RAD51B: variants seen among roughly 807,000 people sequenced by gnomAD.
RAD51B encodes the protein DNA repair protein RAD51 homolog 2.
In RAD51B, 38 loss-of-function variants were observed where a neutral mutation model predicts 42.2. The ratio of observed to expected loss-of-function variants is 0.90; its 90% CI spans 0.70 to 1.18. The LOEUF is 1.18. RAD51B is among the 50% of genes most tolerant of loss of function. The probability of loss-of-function intolerance (pLI) is 0.00; values close to 1 mark genes in which losing one functional copy is unlikely to be tolerated. For synonymous variants in RAD51B, 154 were observed against 145.2 expected, an observed-to-expected ratio of 1.06 and a Z score of -0.43; for missense variants, 373 against 400.7, an observed-to-expected ratio of 0.93 and a Z score of 0.59.
intron 7 of RAD51B, among the ~76,000 whole-genome samples, chr14:68,062,738 GGCAGAGGTT>G: frequency 6.6e-6 from 1 of 151,474 alleles, no homozygotes; most frequent in East Asian, 1.9e-4. Flanking sequence ...GAACCTAGGG[GGCAGAGGTT>G]GCAGTTAGCT....
chr14:68,183,582 C>G (rs1277229083), intron 7 of RAD51B, among the ~76,000 whole-genome samples: 1 of 152,188 alleles, frequency 6.6e-6, no homozygotes. Context: ...TTATAACCGT[C>G]ACACATCTGT....
chr14:68,129,688 C>T (rs1378900977), intron 7 of RAD51B, among the ~76,000 whole-genome samples: 2 of 152,152 alleles, frequency 1.3e-5, no homozygotes, highest in African/African-American at 2.4e-5. Context: ...AAGATCAAAT[C>T]GCAAGGTAAA....
At chr14:68,223,149 T>C (rs867925655) in intron 7 of RAD51B, among the ~76,000 whole-genome samples, 1 of 152,222 alleles carries the variant, frequency 6.6e-6, no homozygotes, top group African/African-American at 2.4e-5. Context: ...CTCAGTTGCC[T>C]AAATCACAAT....
At chr14:68,324,763 C>G (rs2082218608) in intron 8 of RAD51B, among the ~76,000 whole-genome samples, 1 of 152,156 alleles carries the variant, frequency 6.6e-6, no homozygotes, top group African/African-American at 2.4e-5. Context: ...ATCCTTTTCT[C>G]TGGAGGTTTA....
chr14:68,658,901 C>A (rs1892876036), intron 11 of RAD51B, among the ~76,000 whole-genome samples: 1 of 152,214 alleles, frequency 6.6e-6, no homozygotes, highest in Non-Finnish European at 1.5e-5. Flanking sequence ...TTGTCTAAAG[C>A]CACACAGCTC....
At chr14:68,160,974 C>T (rs941737058) in intron 7 of RAD51B, among the ~76,000 whole-genome samples, 8 of 152,160 alleles carry the variant, frequency 5.3e-5, no homozygotes, top group Non-Finnish European at 1.2e-4. Flanking sequence ...GAGCTCAAAG[C>T]CAAGACGTGA....
At chr14:68,493,877 C>T (rs1040437445) in intron 10 of RAD51B, among the ~76,000 whole-genome samples, 1 of 152,172 alleles carries the variant, frequency 6.6e-6, no homozygotes, top group Admixed American at 6.5e-5. Context: ...CATCTAGAAC[C>T]AACAGTGGCC....
At chr14:67,942,316 G>A (rs1386213231) in intron 7 of RAD51B, among the ~76,000 whole-genome samples, 1 of 151,940 alleles carries the variant, frequency 6.6e-6, no homozygotes, top group East Asian at 1.9e-4. Flanking sequence ...AATGCATTTT[G>A]CAACTTTCAT....
At chr14:67,938,791 A>G (rs1000558091) in intron 7 of RAD51B, among the ~76,000 whole-genome samples, 3 of 152,230 alleles carry the variant, frequency 2.0e-5, no homozygotes, top group African/African-American at 4.8e-5. Context: ...TTAGCACTGT[A>G]TGACTCTTGA....
rs181535361 is a variant in RAD51B, at chr14:68,007,334, C to T, written c.756+120130C>T. Among the ~76,000 whole-genome samples the T allele has an allele frequency of 4.9e-4, 75 of 152,014 alleles. No individual in the cohort carries two copies. The East Asian group carries it at 7.9e-3, about 16-fold the overall frequency. On this transcript the variant is annotated intron_variant, in intron 7 of 10. Coordinates refer to ENST00000471583, the MANE Select transcript of RAD51B (RefSeq NM_133510.4). The stretch of plus-strand genomic sequence containing the variant: ...GTGCTGCTATGAATACTTGTATCTA[C>T]GTTTTGTTTGGACATGTGCTTTTAA...
chr14:68,433,348 A>G lies in RAD51B; in HGVS notation c.957+21821A>G, dbSNP rs2085063270. On this transcript the variant is annotated intron_variant, in intron 9 of 10. Transcript: ENST00000471583. ...GTAATATCCTGCAGAGTGTTTTCCA[A>G]CTTGGTTCCATTCTCCCCATCACTT... 2.0e-5 allele frequency among the ~76,000 whole-genome samples: 3 copies of G among 152,088 alleles called. No homozygotes were observed. In the South Asian group the frequency reaches 6.2e-4, roughly 31 times the overall value.
chr14:68,109,427 T>G (rs1471170351), intron 7 of RAD51B, among the ~76,000 whole-genome samples: 1 of 151,968 alleles, frequency 6.6e-6, no homozygotes, highest in Non-Finnish European at 1.5e-5. Context: ...TAATGAGATG[T>G]GTGAGTGTCC....
At chr14:68,408,889 T>C (rs1158024235) in intron 8 of RAD51B, among the ~76,000 whole-genome samples, 1 of 152,134 alleles carries the variant, frequency 6.6e-6, no homozygotes, top group African/African-American at 2.4e-5. Context: ...CTGGATGAAT[T>C]CTCGAACTCA....
intron 10 of RAD51B, among the ~76,000 whole-genome samples, chr14:68,488,904 G>A (rs1227602191): frequency 6.6e-6 from 1 of 152,094 alleles, no homozygotes; most frequent in Non-Finnish European, 1.5e-5. Flanking sequence ...GATTTTACAA[G>A]GGAAGCCAGA....
intron 9 of RAD51B, among the ~76,000 whole-genome samples, chr14:68,441,553 A>C (rs947854177): frequency 3.3e-5 from 5 of 151,582 alleles, no homozygotes; most frequent in Non-Finnish European, 7.4e-5. Context: ...AAAAAAAAAA[A>C]AAAAAAAAAA....
intron 10 of RAD51B, among the ~76,000 whole-genome samples, chr14:68,624,567 T>C (rs1037277417): frequency 5.3e-5 from 8 of 152,158 alleles, no homozygotes; most frequent in Non-Finnish European, 1.2e-4. Flanking sequence ...CCAAATCCTC[T>C]GTGGCTCTTG....
chr14:68,189,163 C>T (rs896188086), intron 7 of RAD51B, among the ~76,000 whole-genome samples: 3 of 151,848 alleles, frequency 2.0e-5, no homozygotes, highest in Admixed American at 1.3e-4. Flanking sequence ...ATTTACATAT[C>T]GTAAAGTACA....
chr14:68,461,087 C>A (rs1017151840), intron 9 of RAD51B, among the ~76,000 whole-genome samples: 2 of 151,776 alleles, frequency 1.3e-5, no homozygotes, highest in Non-Finnish European at 2.9e-5. Flanking sequence ...TAACATTAAC[C>A]ATAAAACAGT....
chr14:68,039,366 T>C (rs1332141420), intron 7 of RAD51B, among the ~76,000 whole-genome samples: 1 of 148,914 alleles, frequency 6.7e-6, no homozygotes, highest in Non-Finnish European at 1.5e-5. Context: ...AGGCGAAGGT[T>C]GCTGTGAGCC....
Sources: allele counts gnomAD v4.1 joint callset (sites outside exome capture counted in the v4.1 genomes callset), GRCh38; gene constraint gnomAD v4.1.1; transcripts MANE v1.5; gene names NCBI Gene and HGNC (gene_info 2026-07-23, HGNC 2026-07-21).